CYP24A1: variants seen among roughly 807,000 people sequenced by gnomAD.
CYP24A1 encodes the protein 1,25-dihydroxyvitamin D(3) 24-hydroxylase, mitochondrial.
In CYP24A1, 68 loss-of-function variants were observed where a neutral mutation model predicts 62.4. The ratio of observed to expected loss-of-function variants is 1.09; its 90% CI spans 0.90 to 1.33. The LOEUF is 1.33. Among genes scored for constraint, CYP24A1 ranks in the 40% most tolerant of loss-of-function variants. CYP24A1 has a pLI of 0.00. For missense variants in CYP24A1, 787 were observed against 653.0 expected (o/e 1.21, Z -2.24); for synonymous variants, 267 against 253.0 (o/e 1.06, Z -0.52).
At chr20:54,162,562 G>A (rs1351769799) in intron 7 of CYP24A1, 155 bp downstream of exon 7, 1 of 520,644 alleles carries the variant, frequency 1.9e-6, no homozygotes, top group East Asian at 4.3e-5. Context: ...TGTGCGCGGA[G>A]GCACCGTGGC....
chr20:54,172,965 G>A lies in CYP24A1; in HGVS notation c.393C>T (p.Ile131=). The change falls in exon 2 of 12, where the codon ATC becomes ATT. Residue 131 remains isoleucine, a synonymous_variant. Transcript: ENST00000216862. The part of the protein sequence containing the change: ...TESAYPQRLE[I]KPWKAYRDYR... ...AGTCGCGATAGGCCTTCCACGGTTT[G>A]ATCTCCAGCCGCTGCGGGTACGCGC... 6.2e-7 allele frequency: 1 copy of A among 1,613,534 alleles called. No homozygotes were observed. Among genetic ancestry groups the A allele is most frequent in the Non-Finnish European group, 8.5e-7 (1 of 1,180,032 alleles).
Position 54,157,436 on chromosome 20 carries a change from GCA to G in CYP24A1, c.1384_1385del (p.Cys462HisfsTer29), listed in dbSNP as rs1299109745. The G allele has an allele frequency of 6.2e-6, 10 of 1,606,316 alleles. No homozygotes were observed. The South Asian group carries it at 6.6e-5, about 11-fold the overall frequency. ...HLPFGVGKRM[C>X]IGRRLAELQL... is the part of the protein sequence containing the mutation. Reference sequence around the variant, plus strand: ...GAAGCTCTGCTAATCGGCGACCAATGCACATTCTTTTTCCAACGCCAAATGGA... The same window carrying G: ...GAAGCTCTGCTAATCGGCGACCAATGCATTCTTTTTCCAACGCCAAATGGA... On this transcript the variant is annotated frameshift_variant, in exon 10 of 12. Coordinates refer to ENST00000216862, the MANE Select transcript of CYP24A1 (RefSeq NM_000782.5). LOFTEE classifies it high-confidence loss of function.
At position 54,173,100 on chromosome 20, in the gene CYP24A1, C is replaced by T. The variant is rs1302928728; in HGVS notation, c.259-1G>A. 3.1e-6 allele frequency: 5 copies of T among 1,602,142 alleles called. No homozygotes were observed. Among genetic ancestry groups the T allele is most frequent in the Non-Finnish European group, 4.2e-6 (5 of 1,179,934 alleles). On this transcript the variant is annotated splice_acceptor_variant, in intron 1 of 11. Transcript: ENST00000216862. LOFTEE classifies it high-confidence loss of function. This position sits in a 1 kb window ranked among gnomAD's most constrained non-coding sequence, Gnocchi z 7.2. ...TGCCATACTTCTTGTGGTACTCCAC[C>T]TGCAGCCGGCCGGGCACAGCGCGGT...
At chr20:54,155,669 G>A (rs113665747) in intron 11 of CYP24A1, among the ~76,000 whole-genome samples, 2 of 151,066 alleles carry the variant, frequency 1.3e-5, no homozygotes, top group Admixed American at 6.6e-5. Context: ...CCCAGGAGGC[G>A]GAGGTTGCAG....
Position 54,159,095 on chromosome 20 carries a change from T to C in CYP24A1, c.1019A>G (p.Tyr340Cys), listed in dbSNP as rs759597034. ...CACTTGGGGATTACGGGATAAATTGTAGAGAATCCACATTAGACTGTTTGC... is the reference window on the plus strand; with the variant it reads ...CACTTGGGGATTACGGGATAAATTGCAGAGAATCCACATTAGACTGTTTGC... ...TTANSLMWIL[Y>C]NLSRNPQVQQ... Residue 340 changes from tyrosine to cysteine, a missense_variant, in exon 8 of 12, where the codon TAC becomes TGC. Physicochemically the swap from Tyr to Cys is radical, Grantham distance 194 (BLOSUM62 -2). Coordinates refer to ENST00000216862, the MANE Select transcript of CYP24A1 (RefSeq NM_000782.5). 4 of 1,614,032 alleles carry C rather than the reference T, an allele frequency of 2.5e-6. No individual in the cohort carries two copies. The highest frequency in any genetic ancestry group is 3.4e-6 in the Non-Finnish European group (4 of 1,179,878).
At position 54,166,857 on chromosome 20, in the gene CYP24A1, C is replaced by T. The variant is rs537554608; in HGVS notation, c.641-1024G>A. Among the ~76,000 whole-genome samples the T allele has an allele frequency of 1.4e-4, 22 of 152,090 alleles. No homozygotes were observed. The South Asian group carries it at 1.5e-3, about 10-fold the overall frequency. On this transcript the variant is annotated intron_variant, in intron 4 of 11. Transcript: ENST00000216862. ...GAATAGCCTGGGCAACATGGCAAAACGCTGTCTCTACAAAAAAATAAAAAT... is the reference window on the plus strand; with the variant it reads ...GAATAGCCTGGGCAACATGGCAAAATGCTGTCTCTACAAAAAAATAAAAAT...
chr20:54,147,805 T>C, the CYP24A1 span, among the ~76,000 whole-genome samples: 1 of 152,310 alleles, frequency 6.6e-6, no homozygotes, highest in African/African-American at 2.4e-5. Context: ...AGCTGGGATT[T>C]AAACCCAATC....
chr20:54,160,828 C>A (rs762506555), intron 7 of CYP24A1, among the ~76,000 whole-genome samples: 19 of 152,132 alleles, frequency 1.2e-4, no homozygotes, highest in Admixed American at 3.3e-4. Context: ...GCAGTCTGAG[C>A]CTGTAGGGAA....
At chr20:54,150,108 A>G (rs1043779704), downstream of CYP24A1, among the ~76,000 whole-genome samples, 2 of 152,178 alleles carry the variant, frequency 1.3e-5, no homozygotes, top group African/African-American at 4.8e-5. Flanking sequence ...ATTTTTCACA[A>G]AAAAATTTGC....
chr20:54,172,747 A>G, intron 2 of CYP24A1, 162 bp downstream of exon 2: 5 of 1,477,748 alleles, frequency 3.4e-6, no homozygotes. Context: ...AATCTGTACA[A>G]GAGCTCAGGG....
rs559658233 is a variant in CYP24A1, at chr20:54,153,584, A to G, written c.*1188T>C. 42 of 152,714 alleles carry G rather than the reference A, an allele frequency of 2.8e-4. No homozygotes were observed. Among genetic ancestry groups the G allele is most frequent in the African/African-American group, 9.6e-4 (40 of 41,586 alleles). The allele number at this position is 152,714 out of a possible 1,614,324, so 9.5% of individuals were successfully genotyped here. On this transcript the variant is annotated 3_prime_UTR_variant, in exon 12 of 12. Coordinates refer to ENST00000216862, the MANE Select transcript of CYP24A1 (RefSeq NM_000782.5). ...CATATACCTAGATATGTACATATTT[A>G]TTACAATATAAAGACATAAATGTAT...
downstream of CYP24A1, among the ~76,000 whole-genome samples, chr20:54,150,403 G>A (rs368042052): frequency 7.1e-6 from 1 of 140,932 alleles, no homozygotes; most frequent in Non-Finnish European, 1.5e-5. Context: ...GCATGATCTC[G>A]GCTCTCTGTA....
At chr20:54,158,010 A>C (rs1479368866) in intron 9 of CYP24A1, 76 bp downstream of exon 9, 22 of 1,595,536 alleles carry the variant, frequency 1.4e-5, no homozygotes, top group Non-Finnish European at 1.8e-5. Context: ...TACAAAGTCT[A>C]GGGAGATCTG....
intron 9 of CYP24A1, 83 bp downstream of exon 9, chr20:54,158,003 A>G (rs2092635731): frequency 1.9e-6 from 3 of 1,586,734 alleles, no homozygotes; most frequent in Non-Finnish European, 2.6e-6. Context: ...TTTCCAGTAC[A>G]AAGTCTAGGG....
rs770056445 is a variant in CYP24A1 at position 54,157,362 on chromosome 20, A to G, written c.1434+26T>C. 3 of 1,526,812 alleles carry G rather than the reference A, an allele frequency of 2.0e-6. No homozygotes were observed. In the Admixed American group the frequency reaches 5.0e-5, roughly 25 times the overall value. 94.6% of individuals were successfully genotyped at this position (1,526,812 alleles called of 1,614,324 possible). A position where few individuals can be genotyped will look rare whatever the true frequency, so the allele number is the denominator to read the frequency against. ...GCCTTGTGAAACAGCACAGAACATA[A>G]TTGCAGAAACCGGTAAAGGTTTTAC... On this transcript the variant is annotated intron_variant, in intron 10 of 11. Transcript: ENST00000216862.
chr20:54,155,434 C>G (rs970271501), intron 11 of CYP24A1, among the ~76,000 whole-genome samples: 10 of 152,066 alleles, frequency 6.6e-5, no homozygotes, highest in African/African-American at 1.9e-4. Flanking sequence ...CCATATGTTA[C>G]AAATGTCTTA....
At chr20:54,168,492 G>T (rs1398075341) in intron 4 of CYP24A1, among the ~76,000 whole-genome samples, 1 of 152,092 alleles carries the variant, frequency 6.6e-6, no homozygotes, top group Non-Finnish European at 1.5e-5. Context: ...GCAGCTTGAA[G>T]TTCCTCAAAC....
chr20:54,155,726 G>C (rs987446600), intron 11 of CYP24A1, among the ~76,000 whole-genome samples: 1 of 98,448 alleles, frequency 1.0e-5, no homozygotes, highest in African/African-American at 4.1e-5. Context: ...GACAGTGTGA[G>C]ACACTGTCTC....
At chr20:54,166,305 A>G (rs1200850704) in intron 4 of CYP24A1, among the ~76,000 whole-genome samples, 2 of 152,170 alleles carry the variant, frequency 1.3e-5, no homozygotes, top group Non-Finnish European at 1.5e-5. Context: ...AGCACTTCAT[A>G]TAGGGTTTTT....
Sources: gnomAD v4.1 joint callset for allele counts (sites outside exome capture counted in the v4.1 genomes callset) on GRCh38, gnomAD v4.1.1 for gene constraint, Gnocchi (gnomAD v3.1) non-coding constraint, MANE v1.5 for transcripts, NCBI Gene and HGNC (gene_info 2026-07-23, HGNC 2026-07-21) for gene names.